C8B: variants seen among roughly 807,000 people sequenced by gnomAD.
C8B encodes the protein complement component C8 beta chain.
In C8B, 67 loss-of-function variants were observed where a neutral mutation model predicts 64.6. The observed-to-expected ratio is 1.04, with a 90% CI of 0.85 to 1.27. The LOEUF is 1.27. Among genes scored for constraint, C8B ranks in the 50% most tolerant of loss-of-function variants. C8B has a pLI of 0.00. For missense variants in C8B, 790 were observed against 725.2 expected (o/e 1.09, Z -1.03); for synonymous variants, 284 against 257.7 (o/e 1.10, Z -0.98).
rs1430276829 is a variant in C8B at position 56,933,407 on chromosome 1, C to T, written c.1480G>A (p.Glu494Lys). Reference protein sequence around the residue: ...TVRQNMKQALEEFQKEVSSCH... With the variant: ...TVRQNMKQALKEFQKEVSSCH... ...GAACTAACTTCCTTCTGGAACTCCT[C>T]CAGTGCCTGCTTCATGTTCTGCCTC... is the stretch of plus-strand genomic sequence containing the variant. Residue 494 changes from glutamate to lysine, a missense_variant, in exon 10 of 12, where the codon GAG becomes AAG. Transcript: ENST00000371237. 6.2e-7 allele frequency: 1 copy of T among 1,613,484 alleles called. No individual in the cohort carries two copies. The highest frequency in any genetic ancestry group is 2.2e-5 in the East Asian group (1 of 44,864).
In C8B at chr1:56,954,902, C is replaced by G. The variant is rs1237250185; in HGVS notation, c.392-75G>C. The G allele has an allele frequency of 3.2e-6, 5 of 1,570,670 alleles. No homozygotes were observed. In the African/African-American group the frequency reaches 6.8e-5, roughly 21 times the overall value. Reference sequence around the variant, plus strand: ...GAACTAACATAGTATAAGCACCTACCAAGTGCCAGACCTTTTGTCAGGCCT... The same window carrying G: ...GAACTAACATAGTATAAGCACCTACGAAGTGCCAGACCTTTTGTCAGGCCT... On this transcript the variant is annotated intron_variant, in intron 3 of 11. Transcript: ENST00000371237.
At chr1:56,954,962 T>C (rs1333498089) in intron 3 of C8B, 135 bp from the exon 4 acceptor site, 4 of 991,212 alleles carry the variant, frequency 4.0e-6, no homozygotes, top group Non-Finnish European at 6.3e-6. Flanking sequence ...TCATCCTGTA[T>C]CCAGATAGAT....
chr1:56,945,281 GGATTTGAAGAAAAGAAAAAACAGCA>G, intron 7 of C8B, among the ~76,000 whole-genome samples: 1 of 152,248 alleles, frequency 6.6e-6, no homozygotes, highest in South Asian at 2.1e-4. Context: ...TAGAGCTGAT[GGATTTGAAGAAAAGAAAAAACAGCA>G]GATTTGAAGA....
chr1:56,952,320 C>G, intron 4 of C8B, 140 bp from the exon 5 acceptor site: 1 of 1,181,970 alleles, frequency 8.5e-7, no homozygotes, highest in Non-Finnish European at 1.2e-6. Context: ...GCCAGCTTTC[C>G]AGCTTCATTT....
intron 6 of C8B, among the ~76,000 whole-genome samples, chr1:56,948,649 A>G (rs1450407941): frequency 6.6e-6 from 1 of 152,186 alleles, no homozygotes; most frequent in African/African-American, 2.4e-5. Flanking sequence ...TGGAGAGTAC[A>G]TTGAGAAGAG....
chr1:56,963,908 T>C (rs1645214691), intron 1 of C8B: 1 of 985,400 alleles, frequency 1.0e-6, no homozygotes, highest in South Asian at 4.7e-5. Context: ...AACAAAAAAC[T>C]CTTTTGGCCA....
Position 56,960,105 on chromosome 1 carries a change from C to A in C8B, c.164G>T (p.Ser55Ile), listed in dbSNP as rs144586148. The A allele has an allele frequency of 7.0e-5, 113 of 1,614,182 alleles. No individual in the cohort carries two copies. Among genetic ancestry groups the A allele is most frequent in the Non-Finnish European group, 9.4e-5 (111 of 1,180,028 alleles). The change falls in exon 2 of 12, where the codon AGT (serine) becomes ATT (isoleucine). Residue 55 changes from serine to isoleucine, a missense_variant. Ser to Ile is a moderately radical substitution (Grantham distance 142). Coordinates refer to ENST00000371237, the MANE Select transcript of C8B (RefSeq NM_000066.4). The part of the protein sequence containing the change: ...KSFAKSRQMR[S>I]VDVTLMPIDC... ...AATGGGCATCAGGGTAACATCCACA[C>A]TCCGCATCTGTCTGCTCTTAGCAAA...
chr1:56,950,447 T>C (rs1158055519), intron 5 of C8B, among the ~76,000 whole-genome samples: 1 of 152,170 alleles, frequency 6.6e-6, no homozygotes, highest in Non-Finnish European at 1.5e-5. Flanking sequence ...CTAAAACCAG[T>C]GTTCATGGCA....
chr1:56,964,666 C>T (rs971340681), intron 1 of C8B, among the ~76,000 whole-genome samples: 1 of 151,518 alleles, frequency 6.6e-6, no homozygotes, highest in South Asian at 2.1e-4. Context: ...TCCTGGCTGC[C>T]CCGTAGCATC....
intron 1 of C8B, among the ~76,000 whole-genome samples, chr1:56,963,028 T>G (rs1645199820): frequency 6.6e-6 from 1 of 152,232 alleles, no homozygotes; most frequent in African/African-American, 2.4e-5. Context: ...GACATTTATA[T>G]TTTCCCAATG....
At chr1:56,952,217 GT>G in intron 4 of C8B, 37 bp from the exon 5 acceptor site, 1 of 1,612,740 alleles carries the variant, frequency 6.2e-7, no homozygotes, top group East Asian at 2.2e-5. Context: ...AGAGGTTAAA[GT>G]TTGCGGTTGC....
intron 10 of C8B, among the ~76,000 whole-genome samples, chr1:56,932,595 T>C (rs1460051158): frequency 1.3e-5 from 2 of 152,196 alleles, no homozygotes; most frequent in African/African-American, 4.8e-5. Flanking sequence ...GTCCTTGTGC[T>C]GATAGCAGAA....
intron 1 of C8B, among the ~76,000 whole-genome samples, chr1:56,964,512 T>G (rs1166389525): frequency 6.6e-6 from 1 of 152,192 alleles, no homozygotes; most frequent in Non-Finnish European, 1.5e-5. Context: ...TTGCCTGTGC[T>G]GCTCCCTCTA....
chr1:56,951,935 A>G (rs1478713945), intron 5 of C8B, 113 bp downstream of exon 5: 14 of 1,249,992 alleles, frequency 1.1e-5, no homozygotes, highest in South Asian at 1.2e-5. Flanking sequence ...TCACATATGA[A>G]GAAACTGAAG....
rs144510491 is a variant in C8B at position 56,932,658 on chromosome 1, C to T, written c.1552+677G>A. 3.7e-3 allele frequency among the ~76,000 whole-genome samples: 561 copies of T among 152,260 alleles called. 5 individuals carry two copies. The highest frequency in any genetic ancestry group is 0.013 in the African/African-American group (540 of 41,552). On this transcript the variant is annotated intron_variant, in intron 10 of 11. Coordinates refer to ENST00000371237, the MANE Select transcript of C8B (RefSeq NM_000066.4). ...TCTTCTCTGCTCATGTCTATCCTCT[C>T]CAAGGAGCCAGAGACATATTCCTCA...
chr1:56,937,183 G>A (rs1040904772), intron 9 of C8B, among the ~76,000 whole-genome samples: 1 of 152,178 alleles, frequency 6.6e-6, no homozygotes, highest in Admixed American at 6.5e-5. Flanking sequence ...TTTGACCAGT[G>A]ACAGGTGAGA....
Position 56,949,669 on chromosome 1 carries a change from G to T in C8B, c.750C>A (p.Ser250Arg), listed in dbSNP as rs1570393135. ...TAAAACCAAAACTGAAACCAGACTTGCTTGCCATTTTCTCTGTGACATTGC... is the reference window on the plus strand; with the variant it reads ...TAAAACCAAAACTGAAACCAGACTTTCTTGCCATTTTCTCTGTGACATTGC... ...FERNVTEKMA[S>R]KSGFSFGFKI... The change falls in exon 6 of 12, where the codon AGC (serine) becomes AGA (arginine). Residue 250 changes from serine to arginine, a missense_variant. By Grantham distance (110) the Ser-to-Arg change is moderately radical. Coordinates refer to ENST00000371237, the MANE Select transcript of C8B (RefSeq NM_000066.4). 1 of 1,613,862 alleles carries T rather than the reference G, an allele frequency of 6.2e-7. No individual in the cohort carries two copies. Among genetic ancestry groups the T allele is most frequent in the East Asian group, 2.2e-5 (1 of 44,856 alleles).
intron 5 of C8B, among the ~76,000 whole-genome samples, chr1:56,950,842 T>C (rs780478485): frequency 1.3e-5 from 2 of 152,140 alleles, no homozygotes; most frequent in Non-Finnish European, 2.9e-5. Context: ...TCAAAGAATG[T>C]TGGTATGGAG....
chr1:56,930,467 C>T (rs1176411858), intron 11 of C8B, among the ~76,000 whole-genome samples: 2 of 152,180 alleles, frequency 1.3e-5, no homozygotes, highest in Non-Finnish European at 2.9e-5. Flanking sequence ...GCTCCTCCAA[C>T]CAATAGGAAC....
Sources: allele counts gnomAD v4.1 joint callset (sites outside exome capture counted in the v4.1 genomes callset), GRCh38; gene constraint gnomAD v4.1.1; transcripts MANE v1.5; gene names NCBI Gene and HGNC (gene_info 2026-07-23, HGNC 2026-07-21).